The following CDC42BPA variants were observed in gnomAD, a reference collection of about 807,000 sequenced individuals.
The protein encoded by CDC42BPA is serine/threonine-protein kinase MRCK alpha.
CDC42BPA carries 80 observed loss-of-function variants against 223.5 expected under a neutral mutation model. That is an observed-to-expected ratio of 0.36 (90% CI 0.30 to 0.43). The LOEUF (loss-of-function observed/expected upper bound fraction) is 0.43, where lower values mean the gene tolerates loss of function less well. Ranked by LOEUF, CDC42BPA falls within the 20% of genes least tolerant of loss-of-function variation. The pLI is 1.00. For missense variants in CDC42BPA, 1,743 were observed against 2,099.9 expected (o/e 0.83, Z 3.32); for synonymous variants, 694 against 718.6 (o/e 0.97, Z 0.55).
chr1:227,279,283 T>G (rs1175095127), intron 1 of CDC42BPA, among the ~76,000 whole-genome samples: 1 of 152,118 alleles, frequency 6.6e-6, no homozygotes, highest in Non-Finnish European at 1.5e-5. Flanking sequence ...AACTACTATC[T>G]TTAAATAAAT....
chr1:227,158,397 T>A (rs982613888), intron 6 of CDC42BPA, among the ~76,000 whole-genome samples: 1 of 152,114 alleles, frequency 6.6e-6, no homozygotes, highest in Non-Finnish European at 1.5e-5. Context: ...TTTTTTTGAA[T>A]CCTTGTCATT....
chr1:226,996,818 C>A (rs910420888), intron 35 of CDC42BPA, among the ~76,000 whole-genome samples: 7 of 152,118 alleles, frequency 4.6e-5, no homozygotes, highest in Admixed American at 1.3e-4. Context: ...CCGACTTGAT[C>A]GTGGTGGATA....
chr1:227,063,990 A>C (rs1676469984), intron 21 of CDC42BPA, among the ~76,000 whole-genome samples: 1 of 152,196 alleles, frequency 6.6e-6, no homozygotes. Flanking sequence ...GATGTTATAC[A>C]AGGTTAAAAT....
rs1210485137 is a variant in CDC42BPA, at chr1:227,220,311, T to TATACAC, written c.271-7093_271-7092insGTGTAT. 8.1e-5 allele frequency among the ~76,000 whole-genome samples: 4 copies of TATACAC among 49,534 alleles called. No individual in the cohort carries two copies. The Admixed American group carries it at 9.2e-4, about 11-fold the overall frequency. The allele number at this position is 49,534 out of a possible 152,430, so 32.5% of individuals were successfully genotyped here. ...ATATATATATATATATATATATATA[T>TATACAC]ACACACACACACACACATACATATA... On this transcript the variant is annotated intron_variant, in intron 2 of 36. Coordinates refer to ENST00000366766, the MANE Select transcript of CDC42BPA (RefSeq NM_001394014.1).
intron 34 of CDC42BPA, chr1:227,010,904 C>T (rs914231296): frequency 1.5e-6 from 2 of 1,364,430 alleles, no homozygotes; most frequent in Non-Finnish European, 2.0e-6. Context: ...CTTGGTGTAC[C>T]AGGGACAGAG....
At chr1:227,178,970 T>A (rs1319261275) in intron 5 of CDC42BPA, among the ~76,000 whole-genome samples, 2 of 152,220 alleles carry the variant, frequency 1.3e-5, no homozygotes, top group Non-Finnish European at 2.9e-5. Context: ...AATGTTGGTG[T>A]CTTAGTCTTA....
intron 5 of CDC42BPA, among the ~76,000 whole-genome samples, chr1:227,181,416 T>C (rs1327372756): frequency 6.6e-6 from 1 of 152,230 alleles, no homozygotes; most frequent in Non-Finnish European, 1.5e-5. Flanking sequence ...ATGGTCATTT[T>C]TTGTACATAT....
At chr1:227,201,771 A>G (rs1335532980) in intron 3 of CDC42BPA, among the ~76,000 whole-genome samples, 1 of 46,762 alleles carries the variant, frequency 2.1e-5, no homozygotes, top group Admixed American at 1.7e-4. Context: ...AGTGCTCTGT[A>G]AGTTTTTTTT....
intron 1 of CDC42BPA, among the ~76,000 whole-genome samples, chr1:227,303,316 T>C (rs1558997254): frequency 2.0e-5 from 3 of 152,230 alleles, no homozygotes; most frequent in African/African-American, 2.4e-5. Flanking sequence ...AAGACTCTTC[T>C]AATCTTCTAA....
intron 24 of CDC42BPA, among the ~76,000 whole-genome samples, chr1:227,036,262 G>C (rs1333437396): frequency 6.6e-6 from 1 of 152,068 alleles, no homozygotes; most frequent in African/African-American, 2.4e-5. Flanking sequence ...AGAGAGGCAA[G>C]ATGACAAAAA....
chr1:227,042,528 T>C (rs976471640), intron 23 of CDC42BPA, among the ~76,000 whole-genome samples: 1 of 152,142 alleles, frequency 6.6e-6, no homozygotes, highest in African/African-American at 2.4e-5. Context: ...CCACTAAGGA[T>C]AGTATAACAT....
At chr1:227,039,907 A>G (rs1198408214) in intron 24 of CDC42BPA, among the ~76,000 whole-genome samples, 2 of 152,316 alleles carry the variant, frequency 1.3e-5, no homozygotes, top group African/African-American at 4.8e-5. Flanking sequence ...TACAAATTTA[A>G]TAACAAAACA....
At chr1:227,271,800 T>TA (rs1217481770) in intron 1 of CDC42BPA, among the ~76,000 whole-genome samples, 2 of 152,180 alleles carry the variant, frequency 1.3e-5, no homozygotes, top group African/African-American at 4.8e-5. Flanking sequence ...ACATTCTGGG[T>TA]AGTTACCTAC....
intron 12 of CDC42BPA, among the ~76,000 whole-genome samples, chr1:227,118,577 C>G (rs1288169267): frequency 2.0e-5 from 3 of 151,754 alleles, no homozygotes; most frequent in Non-Finnish European, 4.4e-5. Context: ...TGGTGACCAC[C>G]TGTCACTATA....
intron 5 of CDC42BPA, among the ~76,000 whole-genome samples, chr1:227,191,289 G>C (rs780852493): frequency 6.7e-6 from 1 of 148,830 alleles, no homozygotes; most frequent in Non-Finnish European, 1.5e-5. Context: ...AGGCTGCAGT[G>C]AGCCAAGATC....
intron 22 of CDC42BPA, among the ~76,000 whole-genome samples, chr1:227,049,387 T>G (rs563724026): frequency 1.8e-4 from 27 of 151,866 alleles, no homozygotes; most frequent in Middle Eastern, 3.4e-3. Context: ...CAATATGAAA[T>G]ACACTGAAAA....
intron 22 of CDC42BPA, 60 bp from the exon 23 acceptor site, chr1:227,048,070 TA>T: frequency 9.9e-7 from 1 of 1,012,912 alleles, no homozygotes; most frequent in South Asian, 1.6e-5. Context: ...ATTTCAAATA[TA>T]ACTAGAAAGA....
Position 227,289,488 on chromosome 1 carries a change from C to G in CDC42BPA, c.178+27517G>C, listed in dbSNP as rs143394095. Among the ~76,000 whole-genome samples, 5 of 152,314 alleles carry G rather than the reference C, an allele frequency of 3.3e-5. No homozygotes were observed. In the East Asian group the frequency reaches 9.6e-4, roughly 29 times the overall value. ...CATCTAAATTACCACCCAAAACACT[C>G]TGTCACAGCATCCTCTTATTTTCTT... On this transcript the variant is annotated intron_variant, in intron 1 of 36. Coordinates refer to ENST00000366766, the MANE Select transcript of CDC42BPA (RefSeq NM_001394014.1).
At chr1:227,183,984 C>T (rs1668361511) in intron 5 of CDC42BPA, among the ~76,000 whole-genome samples, 1 of 152,108 alleles carries the variant, frequency 6.6e-6, no homozygotes, top group Admixed American at 6.5e-5. Flanking sequence ...TGCTTACTTG[C>T]CATCTCTATC....
Sources: gnomAD v4.1 joint callset for allele counts (sites outside exome capture counted in the v4.1 genomes callset) on GRCh38, gnomAD v4.1.1 for gene constraint, MANE v1.5 for transcripts, NCBI Gene and HGNC (gene_info 2026-07-23, HGNC 2026-07-21) for gene names.